Variants in FNDC3B observed in about 807,000 individuals in gnomAD.
FNDC3B encodes the protein fibronectin type III domain-containing protein 3B.
Under a neutral mutation model 151.5 loss-of-function variants are expected in FNDC3B, and 12 were observed. That is an observed-to-expected ratio of 0.08 (90% CI 0.05 to 0.13). FNDC3B has a LOEUF of 0.13. Ranked by LOEUF, FNDC3B falls within the 10% of genes least tolerant of loss-of-function variation. The pLI is 1.00. For missense variants in FNDC3B, 1,214 were observed against 1,505.3 expected (o/e 0.81, Z 3.20); for synonymous variants, 528 against 549.0 (o/e 0.96, Z 0.54).
rs1736514690 is a variant in FNDC3B, at chr3:172,400,456, A to G, written c.*2981A>G. ...ATCCTTGCACAATTCTTTAAATTGA[A>G]AGATAAAATGTTTTACCTCACTGTT... On this transcript the variant is annotated 3_prime_UTR_variant, in exon 26 of 26. Transcript: ENST00000415807. The G allele has an allele frequency of 6.6e-6, 1 of 152,666 alleles. No individual in the cohort carries two copies. The highest frequency in any genetic ancestry group is 2.4e-5 in the African/African-American group (1 of 41,460). The allele number at this position is 152,666 out of a possible 1,614,324, so 9.5% of individuals were successfully genotyped here.
At chr3:172,199,319 A>G (rs1725011919) in intron 3 of FNDC3B, among the ~76,000 whole-genome samples, 1 of 151,578 alleles carries the variant, frequency 6.6e-6, no homozygotes, top group South Asian at 2.1e-4. Context: ...AGCTGGGACT[A>G]CAGGCGCCCG....
chr3:172,062,564 G>C (rs781083104), intron 1 of FNDC3B, among the ~76,000 whole-genome samples: 1 of 152,060 alleles, frequency 6.6e-6, no homozygotes, highest in African/African-American at 2.4e-5. Context: ...GATTACAGGC[G>C]TGAGCCACCG....
At chr3:172,183,517 T>C (rs928586508) in intron 3 of FNDC3B, among the ~76,000 whole-genome samples, 8 of 152,222 alleles carry the variant, frequency 5.3e-5, no homozygotes, top group Admixed American at 5.2e-4. Flanking sequence ...TTAAGTTGCT[T>C]ACTGGTCTTA....
intron 3 of FNDC3B, among the ~76,000 whole-genome samples, chr3:172,139,830 A>G (rs1721532248): frequency 6.6e-6 from 1 of 151,400 alleles, no homozygotes; most frequent in Non-Finnish European, 1.5e-5. Context: ...TTGCTCTGTC[A>G]CCCAGGCTGA....
chr3:172,140,257 A>G (rs760882874), intron 3 of FNDC3B, among the ~76,000 whole-genome samples: 27 of 152,234 alleles, frequency 1.8e-4, no homozygotes, highest in Admixed American at 1.6e-3. Context: ...GTTAGCTTCA[A>G]GACCAATCAG....
chr3:172,298,547 C>A (rs1576886328), intron 8 of FNDC3B, among the ~76,000 whole-genome samples, 181 bp from the exon 9 acceptor site: 2 of 152,128 alleles, frequency 1.3e-5, no homozygotes, highest in Non-Finnish European at 2.9e-5. Flanking sequence ...TTAAAAAGAA[C>A]CTGATTTTCT....
At chr3:172,185,231 A>C (rs1017837991) in intron 3 of FNDC3B, among the ~76,000 whole-genome samples, 1 of 152,192 alleles carries the variant, frequency 6.6e-6, no homozygotes, top group African/African-American at 2.4e-5. Flanking sequence ...CATTTATAAA[A>C]AGTTGGAAAA....
chr3:172,136,805 C>T (rs1025852655), intron 3 of FNDC3B, among the ~76,000 whole-genome samples: 6 of 152,082 alleles, frequency 3.9e-5, no homozygotes, highest in South Asian at 2.1e-4. Flanking sequence ...CTGCAACCAC[C>T]GCCTCCCGGG....
intron 23 of FNDC3B, among the ~76,000 whole-genome samples, chr3:172,375,985 C>T (rs1735118424): frequency 6.6e-6 from 1 of 152,174 alleles, no homozygotes; most frequent in African/African-American, 2.4e-5. Context: ...CAAGGTCACT[C>T]CCACTTTTTT....
intron 1 of FNDC3B, among the ~76,000 whole-genome samples, chr3:172,046,000 T>G (rs1716351203): frequency 6.6e-6 from 1 of 152,196 alleles, no homozygotes; most frequent in East Asian, 1.9e-4. Flanking sequence ...CAAGCTCACC[T>G]GGAGGGGAGT....
At chr3:172,349,759 G>C (rs373918029) in intron 21 of FNDC3B, among the ~76,000 whole-genome samples, 1 of 152,038 alleles carries the variant, frequency 6.6e-6, no homozygotes, top group African/African-American at 2.4e-5. Flanking sequence ...AGGTTCAAGC[G>C]ATTCTCCTGT....
chr3:172,344,373 A>G, intron 19 of FNDC3B, 115 bp downstream of exon 19: 1 of 826,146 alleles, frequency 1.2e-6, no homozygotes, highest in Admixed American at 2.8e-5. Context: ...TGCAACCTTG[A>G]CAACCATTAA....
intron 1 of FNDC3B, among the ~76,000 whole-genome samples, chr3:172,051,480 C>T (rs1004001160): frequency 2.0e-5 from 3 of 151,980 alleles, no homozygotes; most frequent in African/African-American, 7.3e-5. Flanking sequence ...TAGCTGGATC[C>T]CTAGTTTGAA....
At chr3:172,063,760 T>G (rs1476370569) in intron 1 of FNDC3B, among the ~76,000 whole-genome samples, 1 of 152,216 alleles carries the variant, frequency 6.6e-6, no homozygotes, top group Non-Finnish European at 1.5e-5. Flanking sequence ...CTAATGCCTT[T>G]TCTAGCTCTC....
At position 172,397,182 on chromosome 3, in the gene FNDC3B, G is replaced by A. The variant is rs1375366225; in HGVS notation, c.3322G>A (p.Ala1108Thr). 9.9e-6 allele frequency: 16 copies of A among 1,611,168 alleles called. No individual in the cohort carries two copies. Among genetic ancestry groups the A allele is most frequent in the African/African-American group, 8.0e-5 (6 of 74,920 alleles). ...CCTGAAGGTGTACAAGGGAGAAGAA[G>A]CCACATTCCAAATCTCAGGCCTCCA... Reference protein sequence around the residue: ...EYKQVYKGEEATFQISGLQTN... With the variant: ...EYKQVYKGEETTFQISGLQTN... The change falls in exon 26 of 26, where the codon GCC (alanine) becomes ACC (threonine). Residue 1108 changes from alanine to threonine, a missense_variant. Transcript: ENST00000415807.
At chr3:172,264,994 A>G (rs1044489007) in intron 6 of FNDC3B, among the ~76,000 whole-genome samples, 1 of 152,214 alleles carries the variant, frequency 6.6e-6, no homozygotes, top group African/African-American at 2.4e-5. Flanking sequence ...AACCTCGATA[A>G]GAGGATAAGG....
chr3:172,385,563 C>CT (rs11293866), intron 25 of FNDC3B, among the ~76,000 whole-genome samples: 173 of 141,008 alleles, frequency 1.2e-3, no homozygotes, highest in South Asian at 1.8e-3. Flanking sequence ...GACCTTTTTT[C>CT]TTTTTTTTTT....
At chr3:172,175,878 G>A (rs963127088) in intron 3 of FNDC3B, among the ~76,000 whole-genome samples, 1 of 152,186 alleles carries the variant, frequency 6.6e-6, no homozygotes, top group Non-Finnish European at 1.5e-5. Context: ...TTTGCACTAT[G>A]TGGATGGAAA....
At chr3:172,065,263 C>T (rs187670889) in intron 1 of FNDC3B, among the ~76,000 whole-genome samples, 77 of 152,214 alleles carry the variant, frequency 5.1e-4, no homozygotes, top group Admixed American at 4.8e-3. Flanking sequence ...ACCTGGGAGG[C>T]GGAGGTTGCA....
Sources: gnomAD v4.1 joint callset for allele counts (sites outside exome capture counted in the v4.1 genomes callset) on GRCh38, gnomAD v4.1.1 for gene constraint, MANE v1.5 for transcripts, NCBI Gene and HGNC (gene_info 2026-07-23, HGNC 2026-07-21) for gene names.